Variants in LOC122455340 observed in about 807,000 individuals in gnomAD.
the LOC122455340 span, chr12:53,242,671 A>G: frequency 2.8e-6 from 1 of 363,406 alleles, no homozygotes; most frequent in East Asian, 4.0e-5. Flanking sequence ...TTCCTCTGCA[A>G]CCTCTGGAAT....
the LOC122455340 span, chr12:53,241,905 G>A: frequency 2.5e-6 from 1 of 398,292 alleles, no homozygotes. Flanking sequence ...CCCCCAGCCT[G>A]GCCACAACTG....
the LOC122455340 span, chr12:53,242,424 C>G: frequency 5.1e-6 from 2 of 395,598 alleles, no homozygotes; most frequent in African/African-American, 4.2e-5. Context: ...TTCTCGGGGG[C>G]GCTGTCTGAT....
the LOC122455340 span, chr12:53,242,044 C>T: frequency 2.5e-6 from 1 of 400,220 alleles, no homozygotes; most frequent in Non-Finnish European, 4.4e-6. Context: ...TGTCCCCCAT[C>T]TGCCTGTGCC....
At chr12:53,242,289 C>T in the LOC122455340 span, 1 of 399,154 alleles carries the variant, frequency 2.5e-6, no homozygotes. Context: ...CTCCATGAGC[C>T]GAGCTGCCTG....
the LOC122455340 span, chr12:53,242,694 TCTC>T: frequency 6.0e-6 from 2 of 334,642 alleles, no homozygotes; most frequent in Non-Finnish European, 1.1e-5. Flanking sequence ...AAGGTGTTCT[TCTC>T]AGAGCCTCCC....
chr12:53,242,413 CT>C, the LOC122455340 span: 1 of 398,208 alleles, frequency 2.5e-6, no homozygotes, highest in Non-Finnish European at 4.4e-6. Context: ...CAACAACGCA[CT>C]TCTCGGGGGC....
chr12:53,242,167 G>T, the LOC122455340 span: 1 of 400,754 alleles, frequency 2.5e-6, no homozygotes, highest in Non-Finnish European at 4.4e-6. Context: ...ACCTGCTCTT[G>T]CCCCCGCTGC....
chr12:53,241,984 C>A, the LOC122455340 span: 1 of 399,350 alleles, frequency 2.5e-6, no homozygotes. Context: ...CACCAAGAGC[C>A]TCCTGCCTGC....
chr12:53,242,428 G>C, the LOC122455340 span: 1 of 395,384 alleles, frequency 2.5e-6, no homozygotes, highest in Non-Finnish European at 4.4e-6. Flanking sequence ...CGGGGGCGCT[G>C]TCTGATCATT....
chr12:53,242,434 T>A, the LOC122455340 span: 2 of 387,570 alleles, frequency 5.2e-6, no homozygotes, highest in Non-Finnish European at 9.0e-6. Context: ...CGCTGTCTGA[T>A]CATTTAGGTG....
chr12:53,242,564 G>C, the LOC122455340 span: 4 of 397,280 alleles, frequency 1.0e-5, no homozygotes, highest in African/African-American at 2.1e-5. Context: ...CCTCAAGCAG[G>C]TAGAGGCAGC....
At chr12:53,241,931 C>T in the LOC122455340 span, 1 of 398,988 alleles carries the variant, frequency 2.5e-6, no homozygotes, top group Non-Finnish European at 4.4e-6. Context: ...GAATGGACTT[C>T]TCTCTGGGCC....
the LOC122455340 span, chr12:53,241,901 G>A: frequency 2.5e-6 from 1 of 398,278 alleles, no homozygotes; most frequent in Non-Finnish European, 4.4e-6. Context: ...CCAGCCCCCA[G>A]CCTGGCCACA....
Sources: gnomAD v4.1 joint callset for allele counts on GRCh38, gnomAD v4.1.1 for gene constraint, MANE v1.5 for transcripts.